KDM4C: variants seen among roughly 807,000 people sequenced by gnomAD.
KDM4C encodes lysine-specific demethylase 4C.
Under a neutral mutation model 129.3 loss-of-function variants are expected in KDM4C, and 81 were observed. The observed-to-expected ratio is 0.63, with a 90% CI of 0.52 to 0.75. The LOEUF (loss-of-function observed/expected upper bound fraction) is 0.75. KDM4C is among the 30% of genes least tolerant of loss of function. The probability of loss-of-function intolerance (pLI) is 0.00; values close to 1 mark genes in which losing one functional copy is unlikely to be tolerated. For missense variants in KDM4C, 1,457 were observed against 1,304.0 expected (o/e 1.12, Z -1.81); for synonymous variants, 573 against 456.1 (o/e 1.26, Z -3.26).
At chr9:7,024,080 C>A (rs1205147645) in intron 15 of KDM4C, among the ~76,000 whole-genome samples, 1 of 152,136 alleles carries the variant, frequency 6.6e-6, no homozygotes, top group African/African-American at 2.4e-5. Flanking sequence ...GATCTGTGTG[C>A]AGAGGAAAAG....
intron 17 of KDM4C, among the ~76,000 whole-genome samples, chr9:7,068,823 A>G (rs1050229949): frequency 2.0e-5 from 3 of 149,634 alleles, no homozygotes; most frequent in Admixed American, 6.7e-5. Context: ...CAGCCTTCTG[A>G]GTAGCTGGGA....
chr9:7,005,715 A>G (rs543893834), intron 12 of KDM4C, among the ~76,000 whole-genome samples: 2 of 152,194 alleles, frequency 1.3e-5, no homozygotes, highest in African/African-American at 4.8e-5. Context: ...CTGAAGTACT[A>G]GGTTGCGCAT....
chr9:6,827,211 A>G (rs1834033178), intron 4 of KDM4C, among the ~76,000 whole-genome samples: 1 of 152,232 alleles, frequency 6.6e-6, no homozygotes, highest in South Asian at 2.1e-4. Context: ...CCTAGCTGTG[A>G]CTTTCAGGAA....
At chr9:7,011,191 A>T (rs1419983321) in intron 12 of KDM4C, among the ~76,000 whole-genome samples, 1 of 152,210 alleles carries the variant, frequency 6.6e-6, no homozygotes, top group Non-Finnish European at 1.5e-5. Flanking sequence ...TGCTCTGTAA[A>T]TGTTAATTGT....
intron 4 of KDM4C, among the ~76,000 whole-genome samples, chr9:6,819,660 A>T (rs892288042): frequency 3.3e-5 from 5 of 152,228 alleles, no homozygotes; most frequent in Admixed American, 3.3e-4. Context: ...CAAATGAGAA[A>T]TAACTTGTAT....
upstream of KDM4C, chr9:6,757,898 T>C: frequency 3.0e-6 from 3 of 985,396 alleles, no homozygotes; most frequent in Non-Finnish European, 3.6e-6. Context: ...ACCTTTAAGC[T>C]GTTTGTAAGC....
chr9:7,003,136 G>C (rs1473925637), intron 12 of KDM4C, among the ~76,000 whole-genome samples: 1 of 152,158 alleles, frequency 6.6e-6, no homozygotes, highest in African/African-American at 2.4e-5. Flanking sequence ...AAAGTGCCAG[G>C]ATTACAGACG....
chr9:6,888,725 G>C (rs1163719137), intron 7 of KDM4C, among the ~76,000 whole-genome samples: 1 of 151,636 alleles, frequency 6.6e-6, no homozygotes, highest in Non-Finnish European at 1.5e-5. Context: ...GTCTCAGGAG[G>C]ATTAAGTACT....
intron 17 of KDM4C, among the ~76,000 whole-genome samples, chr9:7,066,198 T>TA (rs1421619566): frequency 6.6e-6 from 1 of 152,176 alleles, no homozygotes; most frequent in Admixed American, 6.5e-5. Flanking sequence ...AATAAATACA[T>TA]ACAGAGCTGA....
rs960591876 is a variant in KDM4C at position 7,013,886 on chromosome 9, G to A, written c.2067G>A (p.Met689Ile). ...AGACTAAGCCCCTCATACCAGAGATGTGTTTTATTTATAGTGAAGAAAATA... is the reference window on the plus strand; with the variant it reads ...AGACTAAGCCCCTCATACCAGAGATATGTTTTATTTATAGTGAAGAAAATA... ...EGKTKPLIPEMCFIYSEENIE... is the reference protein window; with the variant it reads ...EGKTKPLIPEICFIYSEENIE... The change falls in exon 14 of 22, where the codon ATG becomes ATA. Residue 689 changes from methionine (M) to isoleucine (I), a missense_variant. Physicochemically the swap from Met to Ile is conservative, Grantham distance 10. Coordinates refer to ENST00000381309, the MANE Select transcript of KDM4C (RefSeq NM_015061.6). 3.1e-6 allele frequency: 5 copies of A among 1,613,840 alleles called. No homozygotes were observed. In the African/African-American group the frequency reaches 5.3e-5, roughly 17 times the overall value.
At chr9:6,737,050 C>CAA (rs566235532) in intron 1 of KDM4C, among the ~76,000 whole-genome samples, 639 of 35,444 alleles carry the variant, frequency 0.018, 1 homozygote, top group African/African-American at 0.03. Flanking sequence ...GATTCTGTCT[C>CAA]AAAAAAAAAA....
chr9:7,037,242 A>G (rs901310098), intron 15 of KDM4C, among the ~76,000 whole-genome samples: 1 of 152,144 alleles, frequency 6.6e-6, no homozygotes, highest in African/African-American at 2.4e-5. Flanking sequence ...GGGTACTTCA[A>G]TCTAATTATT....
In KDM4C at chr9:7,053,834, G is replaced by C. The variant is rs1830528967; in HGVS notation, c.2424+4634G>C. Among the ~76,000 whole-genome samples the C allele has an allele frequency of 1.3e-5, 2 of 152,186 alleles. 1 individual carries two copies. Among genetic ancestry groups the C allele is most frequent in the South Asian group, 4.1e-4 (2 of 4,826 alleles). On this transcript the variant is annotated intron_variant, in intron 17 of 21. Transcript: ENST00000381309. ...CTATCCAAAACTACCGGGTTATTAA[G>C]TAGAGTCATCCTGTTACAGGGCAGA...
At chr9:6,990,769 C>CA (rs1427069843) in intron 12 of KDM4C, among the ~76,000 whole-genome samples, 1 of 152,148 alleles carries the variant, frequency 6.6e-6, no homozygotes, top group African/African-American at 2.4e-5. Flanking sequence ...GGGGTAAAAT[C>CA]AGTCAGCCTT....
At chr9:6,988,022 G>A (rs7020014) in intron 11 of KDM4C, among the ~76,000 whole-genome samples, 6,436 of 151,570 alleles carry the variant, frequency 0.042, 488 homozygotes, top group African/African-American at 0.15. Context: ...AAATTTAGTG[G>A]TGTGTGCCTG....
In KDM4C at chr9:6,919,251, C is replaced by CTTTCTTTCTTTCTTTCTTTCT. The variant is rs1820951356; in HGVS notation, c.921+26020_921+26040dup. On this transcript the variant is annotated intron_variant, in intron 8 of 21. Transcript: ENST00000381309. ...CTTTCTTTCTTTCTTTCTTTCTTTT[C>CTTTCTTTCTTTCTTTCTTTCT]TTTCTTTCTTTCTTTCTTTCTGTCT... 1.2e-3 allele frequency among the ~76,000 whole-genome samples: 65 copies of CTTTCTTTCTTTCTTTCTTTCT among 55,938 alleles called. 1 individual carries two copies. Among genetic ancestry groups the CTTTCTTTCTTTCTTTCTTTCT allele is most frequent in the African/African-American group, 4.7e-3 (61 of 13,036 alleles). 36.7% of individuals were successfully genotyped at this position (55,938 alleles called of 152,430 possible). A position where few individuals can be genotyped will look rare whatever the true frequency, so the allele number is the denominator to read the frequency against.
At chr9:7,047,866 C>G (rs1056435648) in intron 16 of KDM4C, among the ~76,000 whole-genome samples, 1 of 151,920 alleles carries the variant, frequency 6.6e-6, no homozygotes, top group African/African-American at 2.4e-5. Flanking sequence ...TGTGTATTTG[C>G]TTACATTCCG....
chr9:7,088,683 G>A (rs1006867040), intron 17 of KDM4C, among the ~76,000 whole-genome samples: 6 of 152,132 alleles, frequency 3.9e-5, no homozygotes, highest in African/African-American at 1.4e-4. Flanking sequence ...TATTCCGTAT[G>A]TGAGAGATTT....
chr9:7,128,439 G>C (rs1048974292), intron 19 of KDM4C, among the ~76,000 whole-genome samples: 2 of 150,602 alleles, frequency 1.3e-5, no homozygotes, highest in Non-Finnish European at 1.5e-5. Context: ...ATTTGGCCAA[G>C]AAATAAGGGA....
Sources: allele counts gnomAD v4.1 joint callset (sites outside exome capture counted in the v4.1 genomes callset), GRCh38; gene constraint gnomAD v4.1.1; transcripts MANE v1.5; gene names NCBI Gene and HGNC (gene_info 2026-07-23, HGNC 2026-07-21).